Variants in EPHA4 observed in about 807,000 individuals in gnomAD.
EPHA4 encodes the protein ephrin type-A receptor 4.
EPHA4 carries 19 observed loss-of-function variants against 108.3 expected under a neutral mutation model. The observed-to-expected ratio is 0.18, with a 90% CI of 0.12 to 0.26. The LOEUF is 0.26. Ranked by LOEUF, EPHA4 falls within the 10% of genes least tolerant of loss-of-function variation. The pLI, the probability that EPHA4 is intolerant of heterozygous loss-of-function variation, is 1.00. For synonymous variants in EPHA4, 449 were observed against 455.5 expected, an observed-to-expected ratio of 0.99 and a Z score of 0.18; for missense variants, 917 against 1,254.0, an observed-to-expected ratio of 0.73 and a Z score of 4.06.
chr2:221,540,553 A>C (rs2106190420), intron 3 of EPHA4, among the ~76,000 whole-genome samples: 1 of 152,350 alleles, frequency 6.6e-6, no homozygotes, highest in South Asian at 2.1e-4. Context: ...CATGCTCTGC[A>C]CGGGACTGGG....
intron 4 of EPHA4, among the ~76,000 whole-genome samples, chr2:221,486,790 C>G (rs986302194): frequency 6.0e-5 from 9 of 149,878 alleles, no homozygotes; most frequent in African/African-American, 2.2e-4. Flanking sequence ...ATGTCTTTAT[C>G]ACTTCCTGTT....
chr2:221,441,724 T>G (rs999647758), intron 11 of EPHA4, among the ~76,000 whole-genome samples: 19 of 152,004 alleles, frequency 1.2e-4, no homozygotes, highest in Non-Finnish European at 2.4e-4. Context: ...CTCCTGCAGG[T>G]GCTAAACTGT....
intron 14 of EPHA4, among the ~76,000 whole-genome samples, chr2:221,433,888 C>T (rs1412134592): frequency 1.3e-5 from 2 of 152,144 alleles, no homozygotes; most frequent in African/African-American, 2.4e-5. Context: ...AAAATACTAT[C>T]CCATATTTTT....
chr2:221,426,625 A>C lies in EPHA4; in HGVS notation c.2691-6T>G, dbSNP rs767502187. 1.2e-6 allele frequency: 2 copies of C among 1,609,620 alleles called. No homozygotes were observed. The highest frequency in any genetic ancestry group is 1.7e-6 in the Non-Finnish European group (2 of 1,178,916). On this transcript the variant is annotated splice_polypyrimidine_tract_variant and splice_region_variant and intron_variant, in intron 15 of 17. Transcript: ENST00000281821. Reference sequence around the variant, plus strand: ...CCAACAAGGCAGTGTTAGGTCTAGAAAGAGAACAAGAAAATATAAGCAGAA... The same window carrying C: ...CCAACAAGGCAGTGTTAGGTCTAGACAGAGAACAAGAAAATATAAGCAGAA...
chr2:221,443,233 A>G (rs775827589), intron 10 of EPHA4, among the ~76,000 whole-genome samples: 18 of 151,338 alleles, frequency 1.2e-4, no homozygotes, highest in Non-Finnish European at 2.5e-4. Context: ...CCTACACAAA[A>G]TCTTAGTTAG....
chr2:221,430,995 A>G (rs1690059976), intron 14 of EPHA4, among the ~76,000 whole-genome samples: 1 of 151,918 alleles, frequency 6.6e-6, no homozygotes, highest in African/African-American at 2.4e-5. Context: ...GCTAATTCTA[A>G]TTTTTCTAAT....
At chr2:221,518,817 C>A (rs1490872282) in intron 3 of EPHA4, among the ~76,000 whole-genome samples, 3 of 152,162 alleles carry the variant, frequency 2.0e-5, no homozygotes, top group Non-Finnish European at 4.4e-5. Flanking sequence ...GCAAGCAGGT[C>A]TGCTGATAAT....
chr2:221,485,891 A>G (rs1010003391), intron 4 of EPHA4, among the ~76,000 whole-genome samples: 1 of 152,146 alleles, frequency 6.6e-6, no homozygotes, highest in South Asian at 2.1e-4. Context: ...GTAAACAATT[A>G]CCTACAGAGA....
intron 3 of EPHA4, among the ~76,000 whole-genome samples, chr2:221,536,977 G>T (rs188859151): frequency 6.6e-6 from 1 of 152,162 alleles, no homozygotes; most frequent in Non-Finnish European, 1.5e-5. Flanking sequence ...AATACATAGC[G>T]ACCTTAACAT....
chr2:221,557,815 C>T (rs1237529596), intron 3 of EPHA4, among the ~76,000 whole-genome samples: 1 of 152,180 alleles, frequency 6.6e-6, no homozygotes, highest in Non-Finnish European at 1.5e-5. Flanking sequence ...ATCGATGTTA[C>T]TACTTTGGTT....
chr2:221,420,979 C>T (rs16862630), intron 17 of EPHA4, among the ~76,000 whole-genome samples: 24,393 of 152,138 alleles, frequency 0.16, 2,172 homozygotes, highest in South Asian at 0.21. Context: ...CACAATCCAC[C>T]CATAGTCAAC....
At chr2:221,495,976 C>T (rs1242206646) in intron 4 of EPHA4, among the ~76,000 whole-genome samples, 1 of 152,148 alleles carries the variant, frequency 6.6e-6, no homozygotes, top group Non-Finnish European at 1.5e-5. Context: ...GCCTGATTAT[C>T]ATGGCTGTCA....
intron 14 of EPHA4, among the ~76,000 whole-genome samples, chr2:221,432,394 C>T (rs1243470992): frequency 6.6e-6 from 1 of 152,128 alleles, no homozygotes; most frequent in Admixed American, 6.5e-5. Flanking sequence ...CTACAAGAAG[C>T]TACTAGAAGC....
chr2:221,493,569 G>A (rs942801516), intron 4 of EPHA4, among the ~76,000 whole-genome samples: 7 of 152,054 alleles, frequency 4.6e-5, no homozygotes, highest in South Asian at 2.1e-4. Context: ...ACACAGCACC[G>A]GTCGAATCGA....
chr2:221,450,150 G>T (rs560454300), intron 8 of EPHA4, among the ~76,000 whole-genome samples: 1 of 152,314 alleles, frequency 6.6e-6, no homozygotes, highest in South Asian at 2.1e-4. Flanking sequence ...TCACATGATT[G>T]TAATATTCCA....
chr2:221,444,916 C>T (rs762796891), intron 9 of EPHA4, among the ~76,000 whole-genome samples: 53 of 151,726 alleles, frequency 3.5e-4, no homozygotes, highest in Non-Finnish European at 6.8e-4. Flanking sequence ...CATTATCATG[C>T]CTGGCTAATT....
chr2:221,452,899 G>T (rs939972985), intron 8 of EPHA4, among the ~76,000 whole-genome samples: 3 of 152,166 alleles, frequency 2.0e-5, no homozygotes, highest in African/African-American at 7.2e-5. Context: ...GCTATTTTCC[G>T]TAGTCACGGC....
chr2:221,447,796 G>C (rs1690638565), intron 8 of EPHA4, among the ~76,000 whole-genome samples: 2 of 138,030 alleles, frequency 1.4e-5, no homozygotes, highest in African/African-American at 5.6e-5. Flanking sequence ...ATTTTCCTTT[G>C]CATTTAACTT....
chr2:221,434,900 A>C (rs201780418), intron 13 of EPHA4, among the ~76,000 whole-genome samples: 1 of 8,204 alleles, frequency 1.2e-4, no homozygotes, highest in African/African-American at 2.4e-4. Context: ...TTATTAAATT[A>C]AAAAAAAAAG....
Sources: allele counts gnomAD v4.1 joint callset (sites outside exome capture counted in the v4.1 genomes callset), GRCh38; gene constraint gnomAD v4.1.1; transcripts MANE v1.5; gene names NCBI Gene and HGNC (gene_info 2026-07-23, HGNC 2026-07-21).